CNTNAP2: variants seen among roughly 807,000 people sequenced by gnomAD.
CNTNAP2 encodes contactin associated protein 2.
CNTNAP2 carries 98 observed loss-of-function variants against 155.2 expected under a neutral mutation model. That is an observed-to-expected ratio of 0.63 (90% CI 0.54 to 0.75). The LOEUF (loss-of-function observed/expected upper bound fraction) is 0.75. Ranked by LOEUF, CNTNAP2 falls within the 30% of genes least tolerant of loss-of-function variation. The probability of loss-of-function intolerance (pLI) is 0.00; values close to 1 mark genes in which losing one functional copy is unlikely to be tolerated. For missense variants in CNTNAP2, 1,727 were observed against 1,688.1 expected (o/e 1.02, Z -0.40); for synonymous variants, 651 against 631.2 (o/e 1.03, Z -0.47).
chr7:147,801,683 C>G (rs1797989675), intron 13 of CNTNAP2, among the ~76,000 whole-genome samples: 1 of 152,176 alleles, frequency 6.6e-6, no homozygotes, highest in South Asian at 2.1e-4. Flanking sequence ...AAGAATTTAT[C>G]TTAGTACAGA....
intron 13 of CNTNAP2, among the ~76,000 whole-genome samples, chr7:147,670,531 G>C (rs1795769431): frequency 6.6e-6 from 1 of 152,216 alleles, no homozygotes; most frequent in South Asian, 2.1e-4. Context: ...CCAGCAGAGA[G>C]AGGTGAAGCA....
At chr7:146,790,731 G>A (rs1190616654) in intron 2 of CNTNAP2, among the ~76,000 whole-genome samples, 1 of 152,026 alleles carries the variant, frequency 6.6e-6, no homozygotes, top group Non-Finnish European at 1.5e-5. Context: ...CACCACGCCT[G>A]GCTAATTTTT....
At chr7:147,910,452 G>C (rs1305848559) in intron 14 of CNTNAP2, among the ~76,000 whole-genome samples, 1 of 152,174 alleles carries the variant, frequency 6.6e-6, no homozygotes, top group African/African-American at 2.4e-5. Flanking sequence ...TTAAAAAGCA[G>C]TAGAGCAGAG....
At chr7:146,501,576 G>A (rs554620537) in intron 1 of CNTNAP2, among the ~76,000 whole-genome samples, 1 of 151,780 alleles carries the variant, frequency 6.6e-6, no homozygotes, top group East Asian at 1.9e-4. Flanking sequence ...TAGTAATATT[G>A]CTGTTAATTT....
intron 8 of CNTNAP2, among the ~76,000 whole-genome samples, chr7:147,283,995 T>G (rs1198015111): frequency 6.6e-6 from 1 of 151,788 alleles, no homozygotes; most frequent in Non-Finnish European, 1.5e-5. Context: ...ATTTTCCACA[T>G]GTAATTTTCT....
rs542675812 is a variant in CNTNAP2, at chr7:147,244,357, G to A, written c.1349-55784G>A. Among the ~76,000 whole-genome samples the A allele has an allele frequency of 5.0e-4, 76 of 152,242 alleles. 1 individual carries two copies. Among genetic ancestry groups the A allele is most frequent in the Non-Finnish European group, 6.6e-4 (45 of 68,026 alleles). ...AAAGAAAATGACGTTTCTTTGCAAG[G>A]AGTAGACTTTACTAAGCACCCTATA... On this transcript the variant is annotated intron_variant, in intron 8 of 23. Transcript: ENST00000361727.
intron 1 of CNTNAP2, among the ~76,000 whole-genome samples, chr7:146,357,818 A>C (rs1159077285): frequency 6.6e-6 from 1 of 151,878 alleles, no homozygotes; most frequent in Non-Finnish European, 1.5e-5. Context: ...TGATCCCTTG[A>C]CTTAACTGAA....
chr7:148,313,186 G>A (rs1468835608), intron 21 of CNTNAP2, among the ~76,000 whole-genome samples: 3 of 151,240 alleles, frequency 2.0e-5, no homozygotes, highest in Admixed American at 6.6e-5. Context: ...TTGAAAAGAA[G>A]GTAATGTGGA....
At chr7:147,243,127 G>A (rs10239318) in intron 8 of CNTNAP2, among the ~76,000 whole-genome samples, 2 of 148,150 alleles carry the variant, frequency 1.3e-5, no homozygotes, top group Non-Finnish European at 3.0e-5. Context: ...CCTCCCAAGA[G>A]CTGGGACTAC....
At chr7:147,249,175 A>G (rs1002195950) in intron 8 of CNTNAP2, among the ~76,000 whole-genome samples, 1 of 152,156 alleles carries the variant, frequency 6.6e-6, no homozygotes, top group African/African-American at 2.4e-5. Context: ...CATTTTTTGG[A>G]AAATTTCCAG....
intron 13 of CNTNAP2, among the ~76,000 whole-genome samples, chr7:147,862,267 T>A (rs1799149220): frequency 6.6e-6 from 1 of 152,164 alleles, no homozygotes; most frequent in South Asian, 2.1e-4. Context: ...CTAGGAAAAC[T>A]TGAAAATATA....
intron 3 of CNTNAP2, among the ~76,000 whole-genome samples, chr7:146,930,561 A>C (rs1355435149): frequency 1.3e-5 from 2 of 152,242 alleles, no homozygotes; most frequent in Non-Finnish European, 2.9e-5. Context: ...TAACATAATG[A>C]CAGGATGAAA....
chr7:148,292,711 C>T (rs1019632730), intron 21 of CNTNAP2, among the ~76,000 whole-genome samples: 12 of 152,102 alleles, frequency 7.9e-5, no homozygotes, highest in Non-Finnish European at 1.6e-4. Context: ...AGAGATGGCT[C>T]GTGAACCCAA....
chr7:148,331,660 T>TGGAC (rs1798017482), intron 21 of CNTNAP2, among the ~76,000 whole-genome samples: 1 of 151,598 alleles, frequency 6.6e-6, no homozygotes, highest in African/African-American at 2.4e-5. Context: ...ACGGATGGAG[T>TGGAC]GGATGGATGG....
intron 15 of CNTNAP2, among the ~76,000 whole-genome samples, chr7:148,059,796 A>G (rs1803099415): frequency 6.7e-6 from 1 of 150,324 alleles, no homozygotes; most frequent in Admixed American, 6.7e-5. Flanking sequence ...GGAGGGGAAT[A>G]CATATAACTT....
chr7:148,271,152 T>G (rs1796772281), intron 21 of CNTNAP2, among the ~76,000 whole-genome samples: 1 of 152,256 alleles, frequency 6.6e-6, no homozygotes, highest in African/African-American at 2.4e-5. Flanking sequence ...TTATGCTATA[T>G]GCTGTAAGTA....
At chr7:147,510,262 A>AT (rs1199720163) in intron 11 of CNTNAP2, among the ~76,000 whole-genome samples, 2 of 152,196 alleles carry the variant, frequency 1.3e-5, no homozygotes, top group Non-Finnish European at 1.5e-5. Context: ...AAAACCCAGT[A>AT]TTTAGTGGCC....
At chr7:147,999,522 T>C (rs1801862226) in intron 15 of CNTNAP2, among the ~76,000 whole-genome samples, 1 of 152,254 alleles carries the variant, frequency 6.6e-6, no homozygotes, top group Non-Finnish European at 1.5e-5. Flanking sequence ...CTTTTCTGTT[T>C]TGCTTCATTT....
At chr7:146,392,573 A>G (rs1487691050) in intron 1 of CNTNAP2, among the ~76,000 whole-genome samples, 2 of 152,244 alleles carry the variant, frequency 1.3e-5, no homozygotes, top group Non-Finnish European at 2.9e-5. Flanking sequence ...TTCGGAATTT[A>G]TGTGACACTG....
Sources: allele counts gnomAD v4.1 joint callset (sites outside exome capture counted in the v4.1 genomes callset), GRCh38; gene constraint gnomAD v4.1.1; transcripts MANE v1.5; gene names NCBI Gene and HGNC (gene_info 2026-07-23, HGNC 2026-07-21).